Variants in LRRC4C observed in about 807,000 individuals in gnomAD.
LRRC4C encodes leucine rich repeat containing 4C, also known as leucine-rich repeat-containing protein 4C.
Under a neutral mutation model 33.6 loss-of-function variants are expected in LRRC4C, and 5 were observed. The ratio of observed to expected loss-of-function variants is 0.15; its 90% CI spans 0.08 to 0.31. The LOEUF is 0.31. LRRC4C is among the 10% of genes least tolerant of loss of function. The pLI, the probability that LRRC4C is intolerant of heterozygous loss-of-function variation, is 1.00. For synonymous variants in LRRC4C, 329 were observed against 302.0 expected (o/e 1.09, Z -0.93); for missense variants, 560 against 796.7 (o/e 0.70, Z 3.58).
At chr11:40,599,885 T>C (rs996383359) in intron 3 of LRRC4C, among the ~76,000 whole-genome samples, 4 of 152,146 alleles carry the variant, frequency 2.6e-5, no homozygotes, top group African/African-American at 9.7e-5. Context: ...GTGGTCCATG[T>C]CAAATATCCT....
chr11:41,261,035 T>C (rs1186999393), intron 1 of LRRC4C, among the ~76,000 whole-genome samples: 3 of 152,120 alleles, frequency 2.0e-5, no homozygotes, highest in Non-Finnish European at 2.9e-5. Context: ...AAATGGAGGA[T>C]CTGCTGTTTT....
chr11:40,760,829 T>TTA (rs1397764107), intron 2 of LRRC4C, among the ~76,000 whole-genome samples: 93 of 144,954 alleles, frequency 6.4e-4, no homozygotes, highest in African/African-American at 2.1e-3. Flanking sequence ...ACACATATAT[T>TTA]TATATATATA....
At chr11:41,074,137 C>T (rs757704934) in intron 1 of LRRC4C, among the ~76,000 whole-genome samples, 5 of 152,018 alleles carry the variant, frequency 3.3e-5, no homozygotes, top group Non-Finnish European at 5.9e-5. Context: ...GTCATCAGTC[C>T]AATTTCTAAA....
intron 2 of LRRC4C, among the ~76,000 whole-genome samples, chr11:40,678,135 C>A (rs1244840221): frequency 6.7e-6 from 1 of 150,002 alleles, no homozygotes; most frequent in Non-Finnish European, 1.5e-5. Context: ...CATCACTTTT[C>A]TTTTTTTTTC....
intron 2 of LRRC4C, among the ~76,000 whole-genome samples, chr11:40,759,925 A>G (rs1949121510): frequency 6.8e-6 from 1 of 146,502 alleles, no homozygotes; most frequent in African/African-American, 2.5e-5. Context: ...TAATTAGGTG[A>G]AGTAGAGAAT....
At chr11:41,324,457 T>C (rs1337288717) in intron 1 of LRRC4C, among the ~76,000 whole-genome samples, 2 of 152,054 alleles carry the variant, frequency 1.3e-5, no homozygotes, top group African/African-American at 4.8e-5. Context: ...AAAAGTACTA[T>C]TTTAGGAGGA....
chr11:41,042,077 T>C (rs754275597), intron 1 of LRRC4C, among the ~76,000 whole-genome samples: 3 of 152,202 alleles, frequency 2.0e-5, no homozygotes, highest in Non-Finnish European at 4.4e-5. Context: ...CCAACTAAAA[T>C]GGTTTACAGT....
At chr11:40,652,753 G>A (rs1942881572) in intron 2 of LRRC4C, among the ~76,000 whole-genome samples, 1 of 152,164 alleles carries the variant, frequency 6.6e-6, no homozygotes, top group Non-Finnish European at 1.5e-5. Context: ...CAGAATCAGT[G>A]AGAAAAGAGA....
intron 1 of LRRC4C, among the ~76,000 whole-genome samples, chr11:41,106,169 C>T (rs963046646): frequency 1.1e-4 from 16 of 151,966 alleles, no homozygotes; most frequent in African/African-American, 3.9e-4. Flanking sequence ...GTTCTTAGTA[C>T]AGGACTTTCT....
chr11:40,603,398 GAACT>G (rs1960225991), intron 3 of LRRC4C, among the ~76,000 whole-genome samples: 1 of 152,162 alleles, frequency 6.6e-6, no homozygotes, highest in African/African-American at 2.4e-5. Flanking sequence ...GTTGGCTTTT[GAACT>G]AATATTCAAG....
chr11:40,396,016 C>T (rs907398824), intron 3 of LRRC4C, among the ~76,000 whole-genome samples: 6 of 150,096 alleles, frequency 4.0e-5, no homozygotes, highest in Admixed American at 2.0e-4. Flanking sequence ...ATACATATTC[C>T]TGAGACCTAC....
chr11:40,577,165 G>C (rs1375192760), intron 3 of LRRC4C, among the ~76,000 whole-genome samples: 1 of 152,142 alleles, frequency 6.6e-6, no homozygotes, highest in Admixed American at 6.6e-5. Context: ...AGGAGAGAAG[G>C]ATATTTAGAC....
chr11:40,818,008 T>C (rs1591799176), intron 2 of LRRC4C, among the ~76,000 whole-genome samples: 1 of 152,114 alleles, frequency 6.6e-6, no homozygotes, highest in African/African-American at 2.4e-5. Flanking sequence ...TGTTTTTCCC[T>C]GAGATTATGA....
intron 3 of LRRC4C, among the ~76,000 whole-genome samples, chr11:40,639,376 T>C (rs1941970364): frequency 1.3e-5 from 2 of 152,194 alleles, no homozygotes; most frequent in South Asian, 2.1e-4. Flanking sequence ...TGACATCACA[T>C]TGGTGGGTGA....
At chr11:41,046,027 G>T (rs547880055) in intron 1 of LRRC4C, among the ~76,000 whole-genome samples, 47 of 152,152 alleles carry the variant, frequency 3.1e-4, no homozygotes, top group African/African-American at 1.1e-3. Flanking sequence ...GAAAGAAAAA[G>T]ACAAAGAAAT....
intron 1 of LRRC4C, among the ~76,000 whole-genome samples, chr11:41,240,351 A>G (rs1948200230): frequency 6.6e-6 from 1 of 152,230 alleles, no homozygotes; most frequent in Admixed American, 6.5e-5. Context: ...TCCCTCTCAC[A>G]ATGATAAAAT....
intron 1 of LRRC4C, among the ~76,000 whole-genome samples, chr11:41,078,999 A>C (rs1939363541): frequency 6.6e-6 from 1 of 152,160 alleles, no homozygotes; most frequent in African/African-American, 2.4e-5. Context: ...TTTGTCATCC[A>C]GAGTAATACT....
chr11:40,993,945 C>T (rs1853774041), intron 1 of LRRC4C, among the ~76,000 whole-genome samples: 1 of 152,012 alleles, frequency 6.6e-6, no homozygotes, highest in Non-Finnish European at 1.5e-5. Flanking sequence ...AACAATGAAC[C>T]TTGGCACATT....
At chr11:41,132,722 TTG>T (rs577694006) in intron 1 of LRRC4C, among the ~76,000 whole-genome samples, 57 of 152,260 alleles carry the variant, frequency 3.7e-4, no homozygotes, top group Non-Finnish European at 6.8e-4. Context: ...ATGAAATAAA[TTG>T]TGTCTTATTG....
Sources: allele counts gnomAD v4.1 joint callset (sites outside exome capture counted in the v4.1 genomes callset), GRCh38; gene constraint gnomAD v4.1.1; transcripts MANE v1.5; gene names NCBI Gene and HGNC (gene_info 2026-07-23, HGNC 2026-07-21).